Variants in BAZ2B observed in about 807,000 individuals in gnomAD.
The protein encoded by BAZ2B is bromodomain adjacent to zinc finger domain protein 2B.
A neutral mutation model predicts 246.0 loss-of-function variants in BAZ2B; 91 were observed. The observed-to-expected ratio is 0.37, with a 90% CI of 0.31 to 0.44. The LOEUF (loss-of-function observed/expected upper bound fraction) is 0.44. Ranked by LOEUF, BAZ2B falls within the 20% of genes least tolerant of loss-of-function variation. The pLI, the probability that BAZ2B is intolerant of heterozygous loss-of-function variation, is 1.00. For missense variants in BAZ2B, 2,332 were observed against 2,533.7 expected (o/e 0.92, Z 1.71); for synonymous variants, 855 against 860.0 (o/e 0.99, Z 0.10).
At chr2:159,690,172 G>T in the BAZ2B span, 1 of 471,062 alleles carries the variant, frequency 2.1e-6, no homozygotes. Context: ...CTTGGATCCT[G>T]GTGACTAGCG....
the BAZ2B span, among the ~76,000 whole-genome samples, chr2:159,657,623 T>C: frequency 6.6e-6 from 1 of 152,200 alleles, no homozygotes; most frequent in African/African-American, 2.4e-5. Context: ...TACTTAGATC[T>C]TTGATTTCTT....
intron 1 of BAZ2B, among the ~76,000 whole-genome samples, chr2:159,598,337 G>T (rs898564028): frequency 8.5e-5 from 13 of 152,092 alleles, no homozygotes; most frequent in Admixed American, 8.5e-4. Context: ...GGAAAGAATT[G>T]GGTTTACTTG....
chr2:159,629,889 T>C, the BAZ2B span, among the ~76,000 whole-genome samples: 1 of 152,172 alleles, frequency 6.6e-6, no homozygotes, highest in Non-Finnish European at 1.5e-5. Flanking sequence ...TGAAGCACTT[T>C]ACAGTGAATT....
intron 13 of BAZ2B, among the ~76,000 whole-genome samples, chr2:159,420,146 A>G (rs2068475858): frequency 6.6e-6 from 1 of 152,124 alleles, no homozygotes; most frequent in African/African-American, 2.4e-5. Flanking sequence ...TTTCTCTATG[A>G]ACATTAGTTT....
chr2:159,387,200 G>T (rs1237600014), intron 21 of BAZ2B, among the ~76,000 whole-genome samples: 2 of 152,042 alleles, frequency 1.3e-5, no homozygotes, highest in Non-Finnish European at 2.9e-5. Flanking sequence ...CATAAACCCA[G>T]TTATAATGCA....
chr2:159,448,316 G>C lies in BAZ2B; in HGVS notation c.428C>G (p.Pro143Arg), dbSNP rs377434305. 1.9e-6 allele frequency: 3 copies of C among 1,613,326 alleles called. No individual in the cohort carries two copies. Among genetic ancestry groups the C allele is most frequent in the African/African-American group, 1.3e-5 (1 of 74,936 alleles). ...LLGIPPLFAP[P>R]AQNHDSSSFH... ...TGAAGAAGAATCATGATTCTGGGCT[G>C]GGGGAGCAAATAGTGGTGGAATTCC... Residue 143 changes from proline (P) to arginine (R), a missense_variant, in exon 5 of 37, where the codon CCA becomes CGA. Transcript: ENST00000392783.
intron 19 of BAZ2B, chr2:159,397,111 G>A: frequency 6.9e-7 from 1 of 1,459,600 alleles, no homozygotes; most frequent in Non-Finnish European, 9.2e-7. Context: ...CTGGTAGAAA[G>A]AGTTGGCACA....
Position 159,398,869 on chromosome 2 carries a change from G to T in BAZ2B, c.2924C>A (p.Ala975Glu), listed in dbSNP as rs377057873. The change falls in exon 18 of 37, where the codon GCG becomes GAG. Residue 975 changes from alanine to glutamate, a missense_variant. Physicochemically the swap from Ala to Glu is moderately radical, Grantham distance 107 (BLOSUM62 -1). Around this residue, in one of 9 missense-constraint regions of BAZ2B, gnomAD observed 328 missense variants for 410.4 expected, o/e 0.80. Transcript: ENST00000392783. ...GGCCTCCAATAATTTGGCATTTGCCGCTTCTTCCTTCTTTTTCTTTTTAGC... is the reference window on the plus strand; with the variant it reads ...GGCCTCCAATAATTTGGCATTTGCCTCTTCTTCCTTCTTTTTCTTTTTAGC... Reference protein sequence around the residue: ...LEAKKKKKEEAANAKLLEAEK... With the variant: ...LEAKKKKKEEEANAKLLEAEK... 6.2e-7 allele frequency: 1 copy of T among 1,610,834 alleles called. No individual in the cohort carries two copies. Among genetic ancestry groups the T allele is most frequent in the Non-Finnish European group, 8.5e-7 (1 of 1,179,620 alleles).
intron 14 of BAZ2B, among the ~76,000 whole-genome samples, chr2:159,410,129 A>G (rs922110904): frequency 6.6e-6 from 1 of 152,200 alleles, no homozygotes; most frequent in African/African-American, 2.4e-5. Flanking sequence ...TTTTATGCAA[A>G]CAATGTCCAC....
At chr2:159,513,975 C>A (rs1389394491) in intron 2 of BAZ2B, among the ~76,000 whole-genome samples, 1 of 152,094 alleles carries the variant, frequency 6.6e-6, no homozygotes, top group Admixed American at 6.6e-5. Flanking sequence ...CATGCTCCTG[C>A]CTCATGCCCT....
intron 6 of BAZ2B, among the ~76,000 whole-genome samples, chr2:159,442,015 G>A (rs1299571854): frequency 6.6e-6 from 1 of 152,148 alleles, no homozygotes; most frequent in East Asian, 1.9e-4. Context: ...AAGGGTGTGA[G>A]AAACAGACAC....
At chr2:159,644,244 A>G in the BAZ2B span, among the ~76,000 whole-genome samples, 1 of 152,248 alleles carries the variant, frequency 6.6e-6, no homozygotes, top group Non-Finnish European at 1.5e-5. Context: ...GGCTATGCAT[A>G]GGATAGACAT....
chr2:159,448,358 A>C lies in BAZ2B; in HGVS notation c.386T>G (p.Phe129Cys). The C allele has an allele frequency of 1.2e-6, 2 of 1,613,004 alleles. No homozygotes were observed. The highest frequency in any genetic ancestry group is 2.2e-5 in the South Asian group (2 of 90,834). Reference sequence around the variant, plus strand: ...TGGAATTCCCAGTAATGGTGGAAAGAAGGTTGCTCCTGTACGAGTATGAGC... The same window carrying C: ...TGGAATTCCCAGTAATGGTGGAAAGCAGGTTGCTCCTGTACGAGTATGAGC... ...TDAHTRTGAT[F>C]FPPLLGIPPL... The change falls in exon 5 of 37, where the codon TTC becomes TGC. Residue 129 changes from phenylalanine to cysteine, a missense_variant. Physicochemically the swap from Phe to Cys is radical, Grantham distance 205. Around this residue, in one of 9 missense-constraint regions of BAZ2B, gnomAD observed 242 missense variants for 237.4 expected, o/e 1.02. Transcript: ENST00000392783.
chr2:159,674,576 T>C, the BAZ2B span, among the ~76,000 whole-genome samples: 1 of 151,490 alleles, frequency 6.6e-6, no homozygotes, highest in Non-Finnish European at 1.5e-5. Flanking sequence ...ATTAGCCGGG[T>C]GTGGTGGCAC....
intron 1 of BAZ2B, among the ~76,000 whole-genome samples, chr2:159,611,587 A>G (rs904410711): frequency 6.6e-6 from 1 of 151,956 alleles, no homozygotes; most frequent in Admixed American, 6.6e-5. Flanking sequence ...AAAAATTTAT[A>G]TTGTAGAGGA....
At chr2:159,330,043 CTATG>C (rs1462531908) in intron 34 of BAZ2B, among the ~76,000 whole-genome samples, 1 of 152,032 alleles carries the variant, frequency 6.6e-6, no homozygotes, top group African/African-American at 2.4e-5. Flanking sequence ...TTATATTTAA[CTATG>C]TATGACAAAA....
At chr2:159,315,825 T>C (rs1245676834), downstream of BAZ2B, among the ~76,000 whole-genome samples, 1 of 152,192 alleles carries the variant, frequency 6.6e-6, no homozygotes, top group Non-Finnish European at 1.5e-5. Context: ...TGAAGTATTA[T>C]TTGCAGTGAC....
chr2:159,409,754 T>G (rs748688139), intron 14 of BAZ2B, among the ~76,000 whole-genome samples: 2 of 152,200 alleles, frequency 1.3e-5, no homozygotes, highest in African/African-American at 4.8e-5. Context: ...CAAACAATAC[T>G]CCATACACTT....
downstream of BAZ2B, among the ~76,000 whole-genome samples, chr2:159,315,572 T>A (rs1162573786): frequency 6.6e-6 from 1 of 152,228 alleles, no homozygotes; most frequent in Non-Finnish European, 1.5e-5. Flanking sequence ...CATAACATAA[T>A]GGCTGGTTTT....
Sources: gnomAD v4.1 joint callset for allele counts (sites outside exome capture counted in the v4.1 genomes callset) on GRCh38, gnomAD v4.1.1 for gene constraint, gnomAD v4.1.1 regional missense constraint, MANE v1.5 for transcripts, NCBI Gene and HGNC (gene_info 2026-07-23, HGNC 2026-07-21) for gene names.